Variants in C1orf167 observed in about 807,000 individuals in gnomAD.
C1orf167 encodes the protein chromosome 1 open reading frame 167, also known as uncharacterized protein C1orf167.
A neutral mutation model predicts 176.5 loss-of-function variants in C1orf167; 153 were observed. The observed-to-expected ratio is 0.87, with a 90% CI of 0.76 to 0.99. The LOEUF (loss-of-function observed/expected upper bound fraction) is 0.99. C1orf167 is among the 50% of genes least tolerant of loss of function. C1orf167 has a pLI of 0.00. For synonymous variants in C1orf167, 594 were observed against 752.7 expected (o/e 0.79, Z 3.45); for missense variants, 1,490 against 1,817.7 (o/e 0.82, Z 3.28).
chr1:11,771,422 C>G (rs1643071309), intron 6 of C1orf167, 102 bp from the exon 7 acceptor site: 1 of 591,976 alleles, frequency 1.7e-6, no homozygotes, highest in Admixed American at 2.6e-5. Flanking sequence ...GCCCCCTGCT[C>G]CCAAGGGCAG....
chr1:11,762,933 G>A (rs1365563062), intron 1 of C1orf167, among the ~76,000 whole-genome samples: 1 of 152,164 alleles, frequency 6.6e-6, no homozygotes, highest in Non-Finnish European at 1.5e-5. Flanking sequence ...GTGAGGAGAG[G>A]CCAGGTTGCT....
chr1:11,781,555 T>G (rs1643604602), intron 13 of C1orf167, among the ~76,000 whole-genome samples: 1 of 152,066 alleles, frequency 6.6e-6, no homozygotes, highest in Non-Finnish European at 1.5e-5. Context: ...GCCCAATCAT[T>G]CCCCGGCAGG....
chr1:11,777,055 C>A (rs1204804303), intron 10 of C1orf167: 1 of 153,446 alleles, frequency 6.5e-6, no homozygotes, highest in African/African-American at 2.4e-5. Context: ...AGAATAAATA[C>A]TGTAAAGGAA....
chr1:11,766,740 T>C lies in C1orf167; in HGVS notation c.954T>C (p.Ser318=). ...AGACCCCGGCTAGTCTCTCAGACTCTTGGGCACAAAGCAAGCTAATGTCAC... is the reference window on the plus strand; with the variant it reads ...AGACCCCGGCTAGTCTCTCAGACTCCTGGGCACAAAGCAAGCTAATGTCAC... ...FLETPASLSD[S]WAQSKLMSPE... The change falls in exon 3 of 21, where the codon TCT becomes TCC. Residue 318 remains serine (S), a synonymous_variant. Coordinates refer to ENST00000688073, the MANE Select transcript of C1orf167 (RefSeq NM_001010881.2). This position sits in a 1 kb window ranked among gnomAD's most constrained non-coding sequence, Gnocchi z 4.5. The C allele has an allele frequency of 7.8e-7, 1 of 1,289,764 alleles. No individual in the cohort carries two copies. The highest frequency in any genetic ancestry group is 1.0e-6 in the Non-Finnish European group (1 of 988,850). The allele number at this position is 1,289,764 out of a possible 1,614,324, so 79.9% of individuals were successfully genotyped here.
rs1356794432 is a variant in C1orf167, at chr1:11,787,884, C to G, written c.3685C>G (p.His1229Asp). 3 of 1,231,928 alleles carry G rather than the reference C, an allele frequency of 2.4e-6. No homozygotes were observed. The highest frequency in any genetic ancestry group is 3.1e-6 in the Non-Finnish European group (3 of 953,820). The allele number at this position is 1,231,928 out of a possible 1,614,324, so 76.3% of individuals were successfully genotyped here. A position where few individuals can be genotyped will look rare whatever the true frequency, so the allele number is the denominator to read the frequency against. ...GTAWAQRCRE[H>D]SLCPAFQLWP... ...ACTCCCCTTTCCAGGGTGCAGGGAA[C>G]ATTCCCTCTGCCCTGCCTTCCAGCT... Residue 1229 changes from histidine to aspartate, a missense_variant, in exon 18 of 21, where the codon CAT becomes GAT. By Grantham distance (81) the His-to-Asp change is moderately conservative (BLOSUM62 -1). Coordinates refer to ENST00000688073, the MANE Select transcript of C1orf167 (RefSeq NM_001010881.2).
chr1:11,782,122 C>T (rs1027366818), intron 13 of C1orf167, 67 bp from the exon 14 acceptor site: 86 of 1,177,926 alleles, frequency 7.3e-5, no homozygotes, highest in Non-Finnish European at 8.6e-5. Context: ...GGGCTGGCTG[C>T]GTAGAGGCCC....
Position 11,788,298 on chromosome 1 carries a change from T to G in C1orf167, c.3998T>G (p.Phe1333Cys). The G allele has an allele frequency of 7.7e-7, 1 of 1,303,554 alleles. No homozygotes were observed. The highest frequency in any genetic ancestry group is 1.2e-5 in the South Asian group (1 of 81,004). 80.7% of individuals were successfully genotyped at this position (1,303,554 alleles called of 1,614,324 possible). Residue 1333 changes from phenylalanine (F) to cysteine (C), a missense_variant, in exon 19 of 21, where the codon TTC becomes TGC. By Grantham distance (205) the Phe-to-Cys change is radical. Transcript: ENST00000688073. ...PRGTASRAAG[F>C]PAGQVPGSGM... The stretch of plus-strand genomic sequence containing the variant: ...GGCACTGCTTCACGGGCTGCGGGGT[T>G]CCCAGCAGGCCAGGTGCCTGGCAGT...
At chr1:11,783,634 G>A (rs1048196915) in intron 14 of C1orf167, among the ~76,000 whole-genome samples, 1 of 152,168 alleles carries the variant, frequency 6.6e-6, no homozygotes, top group African/African-American at 2.4e-5. Flanking sequence ...ATGGGAGGCA[G>A]GGCATGGCTG....
intron 12 of C1orf167, chr1:11,779,312 T>C (rs1643482493): frequency 3.7e-6 from 1 of 270,104 alleles, no homozygotes; most frequent in Non-Finnish European, 7.0e-6. Context: ...TTCCTTCATT[T>C]ATTCATTTAT....
At chr1:11,781,685 C>A (rs902151912) in intron 13 of C1orf167, among the ~76,000 whole-genome samples, 2 of 152,058 alleles carry the variant, frequency 1.3e-5, no homozygotes, top group African/African-American at 4.8e-5. Flanking sequence ...CCCGGACTGG[C>A]GGATCACGAG....
chr1:11,779,869 G>C lies in C1orf167; in HGVS notation c.2719G>C (p.Ala907Pro). The C allele has an allele frequency of 7.7e-7, 1 of 1,303,324 alleles. No homozygotes were observed. The highest frequency in any genetic ancestry group is 1.0e-6 in the Non-Finnish European group (1 of 988,904). The allele number at this position is 1,303,324 out of a possible 1,614,324, so 80.7% of individuals were successfully genotyped here. The change falls in exon 13 of 21, where the codon GCC becomes CCC. Residue 907 changes from alanine to proline, a missense_variant. Physicochemically the swap from Ala to Pro is conservative, Grantham distance 27. Coordinates refer to ENST00000688073, the MANE Select transcript of C1orf167 (RefSeq NM_001010881.2). ...CTGGAGAGAGCTGGCTTCCCACCGGGCCTGGGATCGGACCTGCAGGGCTGT... is the reference window on the plus strand; with the variant it reads ...CTGGAGAGAGCTGGCTTCCCACCGGCCCTGGGATCGGACCTGCAGGGCTGT... ...WAWRELASHR[A>P]WDRTCRAVLG...
intron 8 of C1orf167, among the ~76,000 whole-genome samples, chr1:11,774,381 A>C (rs1169941887): frequency 6.6e-6 from 1 of 152,048 alleles, no homozygotes; most frequent in African/African-American, 2.4e-5. Context: ...GCTCCCCTTC[A>C]TTTTTTTGAT....
At chr1:11,769,711 G>A (rs1364893594) in intron 6 of C1orf167, among the ~76,000 whole-genome samples, 6 of 143,914 alleles carry the variant, frequency 4.2e-5, no homozygotes, top group Middle Eastern at 3.4e-3. Context: ...TCGCTCTGTC[G>A]CCCAGGCTGG....
chr1:11,765,207 G>A (rs1642731381), intron 2 of C1orf167, among the ~76,000 whole-genome samples: 1 of 152,102 alleles, frequency 6.6e-6, no homozygotes, highest in Admixed American at 6.5e-5. Context: ...ACCTCTCTGA[G>A]CTTTAGTTCC....
rs1167075481 is a variant in C1orf167 at position 11,772,081 on chromosome 1, G to T, written c.1811-1G>T. The T allele has an allele frequency of 2.3e-6, 3 of 1,302,858 alleles. No individual in the cohort carries two copies. The African/African-American group carries it at 4.6e-5, about 20-fold the overall frequency. 80.7% of individuals were successfully genotyped at this position (1,302,858 alleles called of 1,614,324 possible). ...TCTCTCCCTCCTCCCTCTCTCCTTA[G>T]TGTTCTTCCTGTGGTGCCAACAGAA... On this transcript the variant is annotated splice_acceptor_variant, in intron 7 of 20. Transcript: ENST00000688073. LOFTEE classifies it high-confidence loss of function.
chr1:11,789,398 G>T lies in C1orf167; in HGVS notation c.4302G>T (p.Pro1434=). The T allele has an allele frequency of 1.5e-6, 2 of 1,304,110 alleles. No individual in the cohort carries two copies. Among genetic ancestry groups the T allele is most frequent in the Non-Finnish European group, 2.0e-6 (2 of 988,914 alleles). The allele number at this position is 1,304,110 out of a possible 1,614,324, so 80.8% of individuals were successfully genotyped here. ...PESGQEAARA[P]RGWGLGAEHG... is the part of the protein sequence containing the mutation. ...GTGGACAGGAAGCCGCCAGAGCACCGCGGGGTTGGGGGCTTGGGGCAGAGC... is the reference window on the plus strand; with the variant it reads ...GTGGACAGGAAGCCGCCAGAGCACCTCGGGGTTGGGGGCTTGGGGCAGAGC... The change falls in exon 21 of 21, where the codon CCG becomes CCT. Residue 1434 remains proline (P), a synonymous_variant. Transcript: ENST00000688073.
Position 11,766,692 on chromosome 1 carries a change from C to T in C1orf167, c.906C>T (p.His302=). 7.8e-7 allele frequency: 1 copy of T among 1,289,832 alleles called. No individual in the cohort carries two copies. The highest frequency in any genetic ancestry group is 1.2e-5 in the South Asian group (1 of 81,022). 79.9% of individuals were successfully genotyped at this position (1,289,832 alleles called of 1,614,324 possible). A position where few individuals can be genotyped will look rare whatever the true frequency, so the allele number is the denominator to read the frequency against. ...SDGRRRRLRG[H]RETAAFLETP... is the part of the protein sequence containing the mutation. ...GGAGGAGGAGACGCCTTCGAGGCCA[C>T]AGGGAAACTGCGGCTTTCTTGGAGA... The change falls in exon 3 of 21, where the codon CAC becomes CAT. Residue 302 remains histidine, a synonymous_variant. Transcript: ENST00000688073. The surrounding 1 kb of genome is among the most constrained non-coding windows in gnomAD (Gnocchi z 4.5).
rs1433913304 is a variant in C1orf167 at position 11,775,446 on chromosome 1, C to T, written c.2000C>T (p.Ala667Val). ...QRAWLCRCFG[A>V]WQQFVQRGSR... is the part of the protein sequence containing the mutation. ...CTCTGTTCTCCCAGGTGCTTCGGGG[C>T]GTGGCAGCAGTTCGTGCAAAGAGGG... Residue 667 changes from alanine (A) to valine (V), a missense_variant, in exon 9 of 21, where the codon GCG (alanine) becomes GTG (valine). Coordinates refer to ENST00000688073, the MANE Select transcript of C1orf167 (RefSeq NM_001010881.2). 8 of 1,299,720 alleles carry T rather than the reference C, an allele frequency of 6.2e-6. No homozygotes were observed. The highest frequency in any genetic ancestry group is 1.1e-4 in the East Asian group (2 of 18,002). The allele number at this position is 1,299,720 out of a possible 1,614,324, so 80.5% of individuals were successfully genotyped here. A position where few individuals can be genotyped will look rare whatever the true frequency, so the allele number is the denominator to read the frequency against.
At chr1:11,762,432 A>G (rs540817133) in intron 1 of C1orf167, among the ~76,000 whole-genome samples, 127 bp downstream of exon 1, 3 of 152,104 alleles carry the variant, frequency 2.0e-5, no homozygotes, top group South Asian at 2.1e-4. Flanking sequence ...TCTGAGGGAG[A>G]CGGACGAGGA....
Sources: gnomAD v4.1 joint callset for allele counts (sites outside exome capture counted in the v4.1 genomes callset) on GRCh38, gnomAD v4.1.1 for gene constraint, Gnocchi (gnomAD v3.1) non-coding constraint, MANE v1.5 for transcripts, NCBI Gene and HGNC (gene_info 2026-07-23, HGNC 2026-07-21) for gene names.